ALDH1L1: variants seen among roughly 807,000 people sequenced by gnomAD.
ALDH1L1 encodes cytosolic 10-formyltetrahydrofolate dehydrogenase.
Under a neutral mutation model 101.1 loss-of-function variants are expected in ALDH1L1, and 68 were observed. The observed-to-expected ratio is 0.67, with a 90% CI of 0.55 to 0.82. ALDH1L1 has a LOEUF of 0.82. Ranked by LOEUF, ALDH1L1 falls within the 40% of genes least tolerant of loss-of-function variation. ALDH1L1 has a pLI of 0.00. For synonymous variants in ALDH1L1, 486 were observed against 470.8 expected (o/e 1.03, Z -0.42); for missense variants, 1,087 against 1,172.7 (o/e 0.93, Z 1.07).
At chr3:126,123,361 G>A (rs867683087) in intron 16 of ALDH1L1, among the ~76,000 whole-genome samples, 1 of 151,558 alleles carries the variant, frequency 6.6e-6, no homozygotes, top group Non-Finnish European at 1.5e-5. Flanking sequence ...AGGTTCAGGC[G>A]ATTCTTCTGC....
In ALDH1L1 at chr3:126,124,368, T is replaced by A; in HGVS notation, c.1884A>T (p.Gly628=). The change falls in exon 16 of 23, where the codon GGA becomes GGT. Residue 628 remains glycine, a synonymous_variant. Transcript: ENST00000393434. ...IPKGVVNVLP[G]SGSLVGQRLS... Reference sequence around the variant, plus strand: ...GCCCCCGACAATGGCTCTTACCAGATCCTGGGAGGACGTTAACCACACCTT... The same window carrying A: ...GCCCCCGACAATGGCTCTTACCAGAACCTGGGAGGACGTTAACCACACCTT... 1.2e-6 allele frequency: 2 copies of A among 1,611,184 alleles called. No individual in the cohort carries two copies. Among genetic ancestry groups the A allele is most frequent in the Non-Finnish European group, 1.7e-6 (2 of 1,178,792 alleles).
Position 126,130,205 on chromosome 3 carries a change from C to A in ALDH1L1, c.1694+18G>T, listed in dbSNP as rs752110004. 1.9e-5 allele frequency: 30 copies of A among 1,596,654 alleles called. No homozygotes were observed. Among genetic ancestry groups the A allele is most frequent in the Non-Finnish European group, 2.3e-5 (27 of 1,171,796 alleles). ...GAAAGCACCGCGAGGCTGCACCTCG[C>A]CCTGGGCAGGAACTCACCCAACAGG... On this transcript the variant is annotated intron_variant, in intron 14 of 22. Coordinates refer to ENST00000393434, the MANE Select transcript of ALDH1L1 (RefSeq NM_012190.4).
At position 126,135,675 on chromosome 3, in the gene ALDH1L1, C is replaced by G; in HGVS notation, c.1345-13G>C. 6.6e-7 allele frequency: 1 copy of G among 1,518,806 alleles called. No homozygotes were observed. The highest frequency in any genetic ancestry group is 8.9e-7 in the Non-Finnish European group (1 of 1,129,378). 94.1% of individuals were successfully genotyped at this position (1,518,806 alleles called of 1,614,324 possible). On this transcript the variant is annotated splice_polypyrimidine_tract_variant and intron_variant, in intron 11 of 22. Transcript: ENST00000393434. Reference sequence around the variant, plus strand: ...CCTGGCAGATGACCTATAGTGGAAGCAGAGCCATGACAAGTTCTCCCTAAG... The same window carrying G: ...CCTGGCAGATGACCTATAGTGGAAGGAGAGCCATGACAAGTTCTCCCTAAG...
intron 14 of ALDH1L1, 95 bp downstream of exon 14, chr3:126,130,128 A>C (rs551428771): frequency 4.2e-6 from 5 of 1,179,212 alleles, no homozygotes; most frequent in Non-Finnish European, 5.7e-6. Flanking sequence ...AAATGCACGC[A>C]CAGGGTGCTG....
intron 1 of ALDH1L1, among the ~76,000 whole-genome samples, chr3:126,189,130 A>G (rs968239826): frequency 3.3e-5 from 5 of 152,152 alleles, no homozygotes; most frequent in Admixed American, 2.0e-4. Context: ...ATACAATTTA[A>G]ATAGGCAATT....
chr3:126,137,736 C>A (rs1265441020), intron 10 of ALDH1L1, 77 bp downstream of exon 10: 2 of 1,536,176 alleles, frequency 1.3e-6, no homozygotes, highest in African/African-American at 1.4e-5. Flanking sequence ...CAGGTTTCCC[C>A]TCTTGTCTTA....
At chr3:126,116,182 C>T (rs1159107254) in intron 17 of ALDH1L1, among the ~76,000 whole-genome samples, 2 of 151,664 alleles carry the variant, frequency 1.3e-5, no homozygotes, top group African/African-American at 2.4e-5. Flanking sequence ...CATGCCCAGC[C>T]TAGTATTTAT....
chr3:126,105,805 C>T lies in ALDH1L1; in HGVS notation c.2574G>A (p.Val858=). ...YVSDKLQAGT[V]FVNTYNKTDV... is the part of the protein sequence containing the mutation. Reference sequence around the variant, plus strand: ...CGGTCTTGTTGTACGTGTTGACAAACACAGTGCCTGCCTGGAGCTTGTCAC... The same window carrying T: ...CGGTCTTGTTGTACGTGTTGACAAATACAGTGCCTGCCTGGAGCTTGTCAC... Residue 858 remains valine (V), a synonymous_variant, in exon 22 of 23, where the codon GTG becomes GTA. Transcript: ENST00000393434. 1 of 1,614,244 alleles carries T rather than the reference C, an allele frequency of 6.2e-7. No individual in the cohort carries two copies. The highest frequency in any genetic ancestry group is 8.5e-7 in the Non-Finnish European group (1 of 1,180,044).
intron 1 of ALDH1L1, among the ~76,000 whole-genome samples, chr3:126,190,143 T>C (rs2081543624): frequency 6.6e-6 from 1 of 152,216 alleles, no homozygotes; most frequent in South Asian, 2.1e-4. Flanking sequence ...ATGGGAAAGC[T>C]TCTATCTGAC....
chr3:126,125,557 G>A, intron 15 of ALDH1L1, 59 bp downstream of exon 15: 9 of 1,334,738 alleles, frequency 6.7e-6, no homozygotes, highest in Non-Finnish European at 9.0e-6. Context: ...CCCTTATAGA[G>A]TGAGTTCCTG....
chr3:126,119,113 A>G (rs902391700), intron 16 of ALDH1L1, among the ~76,000 whole-genome samples: 17 of 152,112 alleles, frequency 1.1e-4, no homozygotes, highest in Non-Finnish European at 2.1e-4. Context: ...TAACCTTAAA[A>G]TACCCAGCAC....
chr3:126,113,354 G>A (rs2108189544), intron 18 of ALDH1L1, among the ~76,000 whole-genome samples: 1 of 152,312 alleles, frequency 6.6e-6, no homozygotes, highest in South Asian at 2.1e-4. Context: ...ACACAGGCAG[G>A]CAGCCCCGAC....
intron 9 of ALDH1L1, among the ~76,000 whole-genome samples, chr3:126,141,459 C>T (rs774602436): frequency 2.0e-5 from 3 of 151,990 alleles, no homozygotes; most frequent in Non-Finnish European, 2.9e-5. Context: ...TTAGGCTACA[C>T]AATAAGTCTT....
intron 1 of ALDH1L1, among the ~76,000 whole-genome samples, chr3:126,196,973 T>G (rs918779711): frequency 6.7e-6 from 1 of 148,550 alleles, no homozygotes; most frequent in Non-Finnish European, 1.5e-5. Context: ...AGATAATTTT[T>G]AGAGTTTGCT....
chr3:126,194,459 A>T (rs569087979), intron 1 of ALDH1L1, among the ~76,000 whole-genome samples: 23 of 152,322 alleles, frequency 1.5e-4, no homozygotes, highest in African/African-American at 5.5e-4. Flanking sequence ...AAGGTTTAAA[A>T]CACTTGGTAT....
chr3:126,119,604 G>A (rs935066083), intron 16 of ALDH1L1, among the ~76,000 whole-genome samples: 1 of 152,160 alleles, frequency 6.6e-6, no homozygotes, highest in Non-Finnish European at 1.5e-5. Flanking sequence ...GGCAGGTTTG[G>A]AATAAGACCC....
chr3:126,158,477 GC>G lies in ALDH1L1; in HGVS notation c.289del (p.Ala97ProfsTer64), dbSNP rs1038019049. 7.4e-6 allele frequency: 12 copies of G among 1,613,902 alleles called. No individual in the cohort carries two copies. The highest frequency in any genetic ancestry group is 7.6e-6 in the Non-Finnish European group (9 of 1,179,930). ...ATAGATGATGGAGCCATGCCGGGGGGCACTGATTATCTCCATGGGGATGAAT... is the reference window on the plus strand; with the variant it reads ...ATAGATGATGGAGCCATGCCGGGGGGACTGATTATCTCCATGGGGATGAAT... ...SQFIPMEIIS[A>X]PRHGSIIYHP... is the part of the protein sequence containing the mutation. On this transcript the variant is annotated frameshift_variant, in exon 3 of 23. Transcript: ENST00000393434. LOFTEE classifies it high-confidence loss of function.
chr3:126,131,856 A>C (rs2080315666), intron 12 of ALDH1L1, among the ~76,000 whole-genome samples: 1 of 152,254 alleles, frequency 6.6e-6, no homozygotes, highest in Non-Finnish European at 1.5e-5. Flanking sequence ...TGCTGCAGAC[A>C]GCAAAGGGGT....
intron 12 of ALDH1L1, among the ~76,000 whole-genome samples, chr3:126,132,700 G>A (rs533656554): frequency 6.6e-6 from 1 of 152,300 alleles, no homozygotes; most frequent in Non-Finnish European, 1.5e-5. Context: ...ACTGATCAGA[G>A]CTCCCTGTCA....
Sources: gnomAD v4.1 joint callset for allele counts (sites outside exome capture counted in the v4.1 genomes callset) on GRCh38, gnomAD v4.1.1 for gene constraint, MANE v1.5 for transcripts, NCBI Gene and HGNC (gene_info 2026-07-23, HGNC 2026-07-21) for gene names.